DUSP8: variants seen among roughly 807,000 people sequenced by gnomAD.
DUSP8 encodes the protein dual specificity protein phosphatase 8.
DUSP8 carries 15 observed loss-of-function variants against 38.7 expected under a neutral mutation model. That is an observed-to-expected ratio of 0.39 (90% CI 0.26 to 0.60). The LOEUF (loss-of-function observed/expected upper bound fraction) is 0.60. Among genes scored for constraint, DUSP8 ranks in the 20% least tolerant of loss-of-function variants. DUSP8 has a pLI of 0.56. For synonymous variants in DUSP8, 458 were observed against 433.9 expected (o/e 1.06, Z -0.69); for missense variants, 768 against 915.0 (o/e 0.84, Z 2.07).
intron 1 of DUSP8, among the ~76,000 whole-genome samples, chr11:1,571,159 C>A (rs531735409): frequency 6.6e-6 from 1 of 152,320 alleles, no homozygotes; most frequent in African/African-American, 2.4e-5. Flanking sequence ...CCCCTCCCCT[C>A]CAGGCCAGAC....
At position 1,556,171 on chromosome 11, in the gene DUSP8, A is replaced by C; in HGVS notation, c.*347T>G. ...TTTTTCACCTTTTTGTTATGTAAAA[A>C]GTGCACGAAAGCTCGGCAGCCTTTG... On this transcript the variant is annotated 3_prime_UTR_variant, in exon 7 of 7. Coordinates refer to ENST00000397374, the MANE Select transcript of DUSP8 (RefSeq NM_004420.3). This position sits in a 1 kb window ranked among gnomAD's most constrained non-coding sequence, Gnocchi z 5.2. 1 of 214,420 alleles carries C rather than the reference A, an allele frequency of 4.7e-6. No individual in the cohort carries two copies. The highest frequency in any genetic ancestry group is 9.2e-6 in the Non-Finnish European group (1 of 108,966). 13.3% of individuals were successfully genotyped at this position (214,420 alleles called of 1,614,324 possible).
At position 1,557,643 on chromosome 11, in the gene DUSP8, G is replaced by C; in HGVS notation, c.822-69C>G. 6.6e-7 allele frequency: 1 copy of C among 1,518,144 alleles called. No individual in the cohort carries two copies. The allele number at this position is 1,518,144 out of a possible 1,614,324, so 94.0% of individuals were successfully genotyped here. A position where few individuals can be genotyped will look rare whatever the true frequency, so the allele number is the denominator to read the frequency against. ...GCTGCCCACCTGACGCACCCGCTGGGCACCCACGAGCTCATGTGCGCCAGG... is the reference window on the plus strand; with the variant it reads ...GCTGCCCACCTGACGCACCCGCTGGCCACCCACGAGCTCATGTGCGCCAGG... On this transcript the variant is annotated intron_variant, in intron 6 of 6. Coordinates refer to ENST00000397374, the MANE Select transcript of DUSP8 (RefSeq NM_004420.3). This position sits in a 1 kb window ranked among gnomAD's most constrained non-coding sequence, Gnocchi z 9.9.
intron 3 of DUSP8, among the ~76,000 whole-genome samples, chr11:1,563,259 C>T (rs569423725): frequency 1.3e-5 from 2 of 152,332 alleles, no homozygotes; most frequent in South Asian, 2.1e-4. Context: ...TCTACAGACA[C>T]GCCCTCAGCC....
At chr11:1,570,350 A>G (rs1404066520) in intron 1 of DUSP8, among the ~76,000 whole-genome samples, 5 of 152,096 alleles carry the variant, frequency 3.3e-5, no homozygotes, top group Non-Finnish European at 5.9e-5. Flanking sequence ...TGCAGTTCTC[A>G]TGGCCAGAGT....
At position 1,559,067 on chromosome 11, in the gene DUSP8, G is replaced by A. The variant is rs1425744045; in HGVS notation, c.371-12C>T. On this transcript the variant is annotated splice_polypyrimidine_tract_variant and intron_variant, in intron 3 of 6. Transcript: ENST00000397374. ...GGTGGCGAAGCCCCCTGTAGGAGGA[G>A]GGCCGTCAAGTGGGTTGAGAGAACA... is the stretch of plus-strand genomic sequence containing the variant. 1 of 1,607,164 alleles carries A rather than the reference G, an allele frequency of 6.2e-7. No individual in the cohort carries two copies. The highest frequency in any genetic ancestry group is 1.3e-5 in the African/African-American group (1 of 74,860).
chr11:1,564,045 C>A, intron 2 of DUSP8, 56 bp from the exon 3 acceptor site: 1 of 1,392,986 alleles, frequency 7.2e-7, no homozygotes, highest in Non-Finnish European at 9.4e-7. Context: ...ATGCCCTGGC[C>A]CCGTCCCAGA....
At chr11:1,570,478 C>T (rs1292546897) in intron 1 of DUSP8, among the ~76,000 whole-genome samples, 1 of 152,180 alleles carries the variant, frequency 6.6e-6, no homozygotes, top group East Asian at 1.9e-4. Context: ...CAGTGGCAGC[C>T]TCTAGGCCCT....
intron 2 of DUSP8, 71 bp from the exon 3 acceptor site, chr11:1,564,060 C>G: frequency 7.3e-7 from 1 of 1,366,920 alleles, no homozygotes; most frequent in Middle Eastern, 1.9e-4. Flanking sequence ...CCCAGATATG[C>G]TGGCTCAAGG....
In DUSP8 at chr11:1,556,230, C is replaced by G; in HGVS notation, c.*288G>C. The G allele has an allele frequency of 3.1e-6, 1 of 318,778 alleles. No individual in the cohort carries two copies. The highest frequency in any genetic ancestry group is 5.6e-6 in the Non-Finnish European group (1 of 178,564). 19.7% of individuals were successfully genotyped at this position (318,778 alleles called of 1,614,324 possible). ...AGCAGTGTTTCCTGGGGCGGGGGAA[C>G]TGGGAGGGGCCCCAGGCCTGGCACC... On this transcript the variant is annotated 3_prime_UTR_variant, in exon 7 of 7. Coordinates refer to ENST00000397374, the MANE Select transcript of DUSP8 (RefSeq NM_004420.3). The surrounding 1 kb of genome is among the most constrained non-coding windows in gnomAD (Gnocchi z 5.2).
In DUSP8 at chr11:1,558,530, G is replaced by C. The variant is rs1848671254; in HGVS notation, c.538-259C>G. Among the ~76,000 whole-genome samples, 2 of 152,160 alleles carry C rather than the reference G, an allele frequency of 1.3e-5. No individual in the cohort carries two copies. The highest frequency in any genetic ancestry group is 2.9e-5 in the Non-Finnish European group (2 of 67,996). On this transcript the variant is annotated intron_variant, in intron 4 of 6. Transcript: ENST00000397374. This position sits in a 1 kb window ranked among gnomAD's most constrained non-coding sequence, Gnocchi z 6.3. ...ACCCACGGCTGGTGGTGGGCTCCTA[G>C]GAATTTTATGATTGCCTGGGTGGTG...
intron 1 of DUSP8, among the ~76,000 whole-genome samples, chr11:1,566,910 G>A (rs1231317959): frequency 6.9e-6 from 1 of 144,490 alleles, no homozygotes; most frequent in Non-Finnish European, 1.6e-5. Flanking sequence ...TTGATGACAA[G>A]CCTGTCACTG....
intron 1 of DUSP8, among the ~76,000 whole-genome samples, chr11:1,566,385 C>T (rs1848804709): frequency 6.6e-6 from 1 of 152,132 alleles, no homozygotes; most frequent in Non-Finnish European, 1.5e-5. Context: ...CTCACACCTG[C>T]CCCTCTCTCC....
Position 1,556,656 on chromosome 11 carries a change from C to T in DUSP8, c.1740G>A (p.Glu580=). 1.4e-6 allele frequency: 2 copies of T among 1,402,354 alleles called. No homozygotes were observed. Among genetic ancestry groups the T allele is most frequent in the Non-Finnish European group, 1.9e-6 (2 of 1,073,428 alleles). The allele number at this position is 1,402,354 out of a possible 1,614,324, so 86.9% of individuals were successfully genotyped here. Residue 580 remains glutamate (E), a synonymous_variant, in exon 7 of 7, where the codon GAG becomes GAA. Transcript: ENST00000397374. The surrounding 1 kb of genome is among the most constrained non-coding windows in gnomAD (Gnocchi z 5.2). The part of the protein sequence containing the change: ...RTGWPEEPAP[E]TQFKRRSCQM... Reference sequence around the variant, plus strand: ...GGCAGCTGCGGCGCTTGAACTGCGTCTCCGGGGCCGGCTCCTCGGGCCAGC... The same window carrying T: ...GGCAGCTGCGGCGCTTGAACTGCGTTTCCGGGGCCGGCTCCTCGGGCCAGC...
Position 1,557,834 on chromosome 11 carries a change from T to C in DUSP8, c.781A>G (p.Ile261Val). The change falls in exon 6 of 7, where the codon ATC (isoleucine) becomes GTC (valine). Residue 261 changes from isoleucine (I) to valine (V), a missense_variant. By Grantham distance (29) the Ile-to-Val change is conservative. Transcript: ENST00000397374. The surrounding 1 kb of genome is among the most constrained non-coding windows in gnomAD (Gnocchi z 9.9). ...SRSATIAIAY[I>V]MKTMGMSSDD... ...GAGGACATGCCCATGGTCTTCATGATGTAGGCGATGGCGATGGTGGCAGAG... is the reference window on the plus strand; with the variant it reads ...GAGGACATGCCCATGGTCTTCATGACGTAGGCGATGGCGATGGTGGCAGAG... 6.2e-7 allele frequency: 1 copy of C among 1,613,876 alleles called. No individual in the cohort carries two copies. Among genetic ancestry groups the C allele is most frequent in the Non-Finnish European group, 8.5e-7 (1 of 1,180,014 alleles).
chr11:1,556,425 C>T lies in DUSP8; in HGVS notation c.*93G>A, dbSNP rs2133426423. 6 of 1,225,664 alleles carry T rather than the reference C, an allele frequency of 4.9e-6. No individual in the cohort carries two copies. Among genetic ancestry groups the T allele is most frequent in the Non-Finnish European group, 6.1e-6 (6 of 982,954 alleles). 75.9% of individuals were successfully genotyped at this position (1,225,664 alleles called of 1,614,324 possible). On this transcript the variant is annotated 3_prime_UTR_variant, in exon 7 of 7. Transcript: ENST00000397374. This position sits in a 1 kb window ranked among gnomAD's most constrained non-coding sequence, Gnocchi z 5.2. Reference sequence around the variant, plus strand: ...AAATATTTACTTCTCGATAAAAATCCCAGTAAAACCATTTACCTTTCTTTG... The same window carrying T: ...AAATATTTACTTCTCGATAAAAATCTCAGTAAAACCATTTACCTTTCTTTG...
chr11:1,568,674 G>A (rs1459909175), intron 1 of DUSP8, among the ~76,000 whole-genome samples: 1 of 152,124 alleles, frequency 6.6e-6, no homozygotes, highest in Non-Finnish European at 1.5e-5. Flanking sequence ...CCAGTCCTCA[G>A]CCCCTCCGCT....
At chr11:1,565,515 G>C in intron 2 of DUSP8, 81 bp downstream of exon 2, 1 of 1,132,338 alleles carries the variant, frequency 8.8e-7, no homozygotes. Context: ...AGGCAGAGGA[G>C]GGGGGTGCTG....
At chr11:1,564,715 G>A (rs895282439) in intron 2 of DUSP8, among the ~76,000 whole-genome samples, 23 of 152,230 alleles carry the variant, frequency 1.5e-4, no homozygotes, top group Admixed American at 2.6e-4. Flanking sequence ...CAATGGGATC[G>A]CACTCTGCCG....
In DUSP8 at chr11:1,557,170, T is replaced by C. The variant is rs1365009261; in HGVS notation, c.1226A>G (p.Asp409Gly). Residue 409 changes from aspartate to glycine, a missense_variant, in exon 7 of 7, where the codon GAC becomes GGC. Transcript: ENST00000397374. This position sits in a 1 kb window ranked among gnomAD's most constrained non-coding sequence, Gnocchi z 9.9. ...KSAYAPSRRP[D>G]GPGPPDPGEA... ...GCCGGGGTCGGGGGGCCCGGGGCCGTCGGGCCGCCTGCTAGGGGCGTAGGC... is the reference window on the plus strand; with the variant it reads ...GCCGGGGTCGGGGGGCCCGGGGCCGCCGGGCCGCCTGCTAGGGGCGTAGGC... 1.4e-6 allele frequency: 2 copies of C among 1,448,678 alleles called. No homozygotes were observed. Among genetic ancestry groups the C allele is most frequent in the Non-Finnish European group, 1.8e-6 (2 of 1,108,176 alleles). The allele number at this position is 1,448,678 out of a possible 1,614,324, so 89.7% of individuals were successfully genotyped here. A position where few individuals can be genotyped will look rare whatever the true frequency, so the allele number is the denominator to read the frequency against.
Sources: gnomAD v4.1 joint callset for allele counts (sites outside exome capture counted in the v4.1 genomes callset) on GRCh38, gnomAD v4.1.1 for gene constraint, Gnocchi (gnomAD v3.1) non-coding constraint, MANE v1.5 for transcripts, NCBI Gene and HGNC (gene_info 2026-07-23, HGNC 2026-07-21) for gene names.